The following CCDC91 variants were observed in gnomAD, a reference collection of about 807,000 sequenced individuals.
CCDC91 encodes the protein coiled-coil domain containing 91, also known as coiled-coil domain-containing protein 91.
A neutral mutation model predicts 63.2 loss-of-function variants in CCDC91; 48 were observed. The observed-to-expected ratio is 0.76, with a 90% CI of 0.60 to 0.97. The LOEUF (loss-of-function observed/expected upper bound fraction) is 0.97, where lower values mean the gene tolerates loss of function less well. Among genes scored for constraint, CCDC91 ranks in the 50% least tolerant of loss-of-function variants. The pLI is 0.00. For synonymous variants in CCDC91, 167 were observed against 165.8 expected (o/e 1.01, Z -0.06); for missense variants, 500 against 494.6 (o/e 1.01, Z -0.10).
At chr12:28,521,292 C>T (rs1592940607) in intron 12 of CCDC91, among the ~76,000 whole-genome samples, 1 of 152,028 alleles carries the variant, frequency 6.6e-6, no homozygotes, top group South Asian at 2.1e-4. Flanking sequence ...CTTCACATCC[C>T]TTGTAAGTTG....
chr12:28,399,711 A>G (rs1242839587), intron 8 of CCDC91, among the ~76,000 whole-genome samples: 1 of 152,234 alleles, frequency 6.6e-6, no homozygotes, highest in African/African-American at 2.4e-5. Context: ...ATTGGCAAAA[A>G]TAAAGGGGCT....
chr12:28,466,098 A>T (rs1950537467), intron 11 of CCDC91, among the ~76,000 whole-genome samples: 1 of 152,186 alleles, frequency 6.6e-6, no homozygotes, highest in South Asian at 2.1e-4. Context: ...ACTTGAAGAC[A>T]GGCTATTTAA....
intron 6 of CCDC91, among the ~76,000 whole-genome samples, chr12:28,324,631 G>A (rs1328854349): frequency 6.6e-6 from 1 of 151,574 alleles, no homozygotes; most frequent in East Asian, 1.9e-4. Context: ...TAGGATTAAC[G>A]TCAACCTTTG....
At chr12:28,399,477 A>T (rs1304181254) in intron 8 of CCDC91, among the ~76,000 whole-genome samples, 10 of 152,098 alleles carry the variant, frequency 6.6e-5, no homozygotes, top group Admixed American at 1.3e-4. Flanking sequence ...CCACTCCCAA[A>T]TCTCTTGACT....
chr12:28,483,934 T>A, intron 11 of CCDC91, 118 bp from the exon 12 acceptor site: 1 of 557,362 alleles, frequency 1.8e-6, no homozygotes, highest in South Asian at 2.4e-5. Flanking sequence ...TGTGTAAAGG[T>A]ACACTTTGAA....
At chr12:28,406,005 C>T (rs574800337) in intron 8 of CCDC91, among the ~76,000 whole-genome samples, 6 of 152,118 alleles carry the variant, frequency 3.9e-5, no homozygotes, top group Non-Finnish European at 8.8e-5. Context: ...ATCCCCCTTA[C>T]GAATGGTGAA....
chr12:28,358,097 T>G (rs1388795063), intron 6 of CCDC91, among the ~76,000 whole-genome samples: 1 of 152,166 alleles, frequency 6.6e-6, no homozygotes, highest in Non-Finnish European at 1.5e-5. Flanking sequence ...CATACTGTAT[T>G]ATAGGATAGT....
In CCDC91 at chr12:28,539,366, C is replaced by T. The variant is rs534182793; in HGVS notation, c.1216-9697C>T. Among the ~76,000 whole-genome samples, 514 of 152,256 alleles carry T rather than the reference C, an allele frequency of 3.4e-3. 2 individuals are homozygous for T. Among genetic ancestry groups the T allele is most frequent in the Non-Finnish European group, 6.1e-3 (415 of 68,022 alleles). ...CAGCACCATTTATTAAATAGGGAATCGTTTCCCCATTTCTTGTTTTTGTCA... is the reference window on the plus strand; with the variant it reads ...CAGCACCATTTATTAAATAGGGAATTGTTTCCCCATTTCTTGTTTTTGTCA... On this transcript the variant is annotated intron_variant, in intron 12 of 12. Coordinates refer to ENST00000536442, the MANE Select transcript of CCDC91 (RefSeq NM_018318.5).
chr12:28,277,043 G>A (rs1428443290), intron 3 of CCDC91, among the ~76,000 whole-genome samples: 1 of 151,910 alleles, frequency 6.6e-6, no homozygotes, highest in Non-Finnish European at 1.5e-5. Context: ...TATTTCATAA[G>A]CTTATAACTT....
chr12:28,230,174 C>A (rs1390217471), intron 1 of CCDC91, among the ~76,000 whole-genome samples: 3 of 152,108 alleles, frequency 2.0e-5, no homozygotes, highest in African/African-American at 7.2e-5. Flanking sequence ...TATGTGTAAT[C>A]TGGGGTCATT....
At chr12:28,324,508 CT>C (rs1940805178) in intron 6 of CCDC91, among the ~76,000 whole-genome samples, 1 of 151,874 alleles carries the variant, frequency 6.6e-6, no homozygotes, top group Non-Finnish European at 1.5e-5. Flanking sequence ...ACTCAGATTA[CT>C]GTAATTTTAC....
intron 8 of CCDC91, among the ~76,000 whole-genome samples, chr12:28,442,379 T>C (rs1949272238): frequency 6.6e-6 from 1 of 152,146 alleles, no homozygotes. Context: ...ACCAGAGTTT[T>C]TGAGTCCTTG....
At chr12:28,366,051 C>G (rs1166868670) in intron 7 of CCDC91, among the ~76,000 whole-genome samples, 1 of 151,822 alleles carries the variant, frequency 6.6e-6, no homozygotes, top group African/African-American at 2.4e-5. Flanking sequence ...TGGCAAAAGC[C>G]TAAAATGTAA....
chr12:28,388,763 A>C (rs1047633880), intron 7 of CCDC91, among the ~76,000 whole-genome samples: 1 of 152,072 alleles, frequency 6.6e-6, no homozygotes, highest in African/African-American at 2.4e-5. Context: ...GGGAAAGGAC[A>C]CCCTTTTCAA....
intron 7 of CCDC91, among the ~76,000 whole-genome samples, chr12:28,364,255 G>A (rs1944121132): frequency 6.6e-6 from 1 of 152,018 alleles, no homozygotes; most frequent in African/African-American, 2.4e-5. Context: ...GCCTGGTGGT[G>A]CACACCTGTA....
intron 7 of CCDC91, among the ~76,000 whole-genome samples, chr12:28,388,573 AG>A (rs34819570): frequency 3.3e-5 from 5 of 152,202 alleles, no homozygotes; most frequent in African/African-American, 1.2e-4. Context: ...GACTTCTACA[AG>A]GAAAACTAGA....
intron 8 of CCDC91, among the ~76,000 whole-genome samples, chr12:28,435,943 A>G (rs924013968): frequency 4.0e-5 from 6 of 151,832 alleles, no homozygotes; most frequent in African/African-American, 7.2e-5. Context: ...TAGTGTTAAC[A>G]TAGTATATCT....
chr12:28,225,476 G>A lies in CCDC91; in HGVS notation c.-14-31726G>A, dbSNP rs1390315941. Among the ~76,000 whole-genome samples, 4 of 151,536 alleles carry A rather than the reference G, an allele frequency of 2.6e-5. No individual in the cohort carries two copies. In the South Asian group the frequency reaches 6.2e-4, roughly 24 times the overall value. On this transcript the variant is annotated intron_variant, in intron 1 of 12. Transcript: ENST00000536442. The stretch of plus-strand genomic sequence containing the variant: ...TACCCCCTTTTTTTTTTGAGACAGA[G>A]TTTCACTCTTTTTGCCCAGGCTGGA...
intron 1 of CCDC91, among the ~76,000 whole-genome samples, chr12:28,229,709 C>T (rs1171504611): frequency 6.6e-6 from 1 of 152,070 alleles, no homozygotes; most frequent in Non-Finnish European, 1.5e-5. Flanking sequence ...TGGAAACATC[C>T]CAGGGAAGGA....
Sources: gnomAD v4.1 joint callset for allele counts (sites outside exome capture counted in the v4.1 genomes callset) on GRCh38, gnomAD v4.1.1 for gene constraint, MANE v1.5 for transcripts, NCBI Gene and HGNC (gene_info 2026-07-23, HGNC 2026-07-21) for gene names.